ABRAXAS1: variants seen among roughly 807,000 people sequenced by gnomAD.
ABRAXAS1 encodes the protein abraxas 1, BRCA1 A complex subunit, also known as BRCA1-A complex subunit Abraxas 1.
Under a neutral mutation model 38.4 loss-of-function variants are expected in ABRAXAS1, and 26 were observed. The ratio of observed to expected loss-of-function variants is 0.68; its 90% CI spans 0.50 to 0.94. The LOEUF (loss-of-function observed/expected upper bound fraction) is 0.94, where lower values mean the gene tolerates loss of function less well. ABRAXAS1 is among the 40% of genes least tolerant of loss of function. ABRAXAS1 has a pLI of 0.00. For synonymous variants in ABRAXAS1, 144 were observed against 165.5 expected (o/e 0.87, Z 1.00); for missense variants, 438 against 481.9 (o/e 0.91, Z 0.85).
Position 83,461,389 on chromosome 4 carries a change from G to A in ABRAXAS1, c.*1080C>T. 1 of 557,358 alleles carries A rather than the reference G, an allele frequency of 1.8e-6. No individual in the cohort carries two copies. Among genetic ancestry groups the A allele is most frequent in the South Asian group, 2.1e-5 (1 of 47,504 alleles). The allele number at this position is 557,358 out of a possible 1,614,324, so 34.5% of individuals were successfully genotyped here. ...TTAACACTCATCACATTTTATCTATGTTGAATAAAAGTGGTTCTGTGTGAT... is the reference window on the plus strand; with the variant it reads ...TTAACACTCATCACATTTTATCTATATTGAATAAAAGTGGTTCTGTGTGAT... On this transcript the variant is annotated 3_prime_UTR_variant, in exon 9 of 9. Coordinates refer to ENST00000321945, the MANE Select transcript of ABRAXAS1 (RefSeq NM_139076.3).
chr4:83,473,401 G>A (rs575985602), intron 3 of ABRAXAS1, among the ~76,000 whole-genome samples: 3 of 151,970 alleles, frequency 2.0e-5, no homozygotes, highest in Non-Finnish European at 4.4e-5. Context: ...AGCTCAAATC[G>A]GAGCATAAAG....
At chr4:83,472,159 GTTTTTAAGAA>G in intron 4 of ABRAXAS1, 53 bp downstream of exon 4, 1 of 1,063,960 alleles carries the variant, frequency 9.4e-7, no homozygotes, top group Non-Finnish European at 1.4e-6. Flanking sequence ...AGTACTGTGT[GTTTTTAAGAA>G]CCAAAAACAA....
At chr4:83,482,823 A>G (rs1393185558) in intron 1 of ABRAXAS1, among the ~76,000 whole-genome samples, 1 of 152,178 alleles carries the variant, frequency 6.6e-6, no homozygotes, top group Non-Finnish European at 1.5e-5. Context: ...AGATTAGACT[A>G]AAGCTATGGG....
chr4:83,461,458 T>C lies in ABRAXAS1; in HGVS notation c.*1011A>G, dbSNP rs1722113591. 2.4e-6 allele frequency: 1 copy of C among 417,346 alleles called. No individual in the cohort carries two copies. The highest frequency in any genetic ancestry group is 4.4e-6 in the Non-Finnish European group (1 of 225,138). 25.9% of individuals were successfully genotyped at this position (417,346 alleles called of 1,614,324 possible). A position where few individuals can be genotyped will look rare whatever the true frequency, so the allele number is the denominator to read the frequency against. ...CCCAAATAGCTCATACAATAATCCA[T>C]TCAATAGAATGGAATTAAAACTGTT... On this transcript the variant is annotated 3_prime_UTR_variant, in exon 9 of 9. Coordinates refer to ENST00000321945, the MANE Select transcript of ABRAXAS1 (RefSeq NM_139076.3).
Position 83,459,636 on chromosome 4 carries a change from T to G in ABRAXAS1, c.*2833A>C. On this transcript the variant is annotated 3_prime_UTR_variant, in exon 9 of 9. Coordinates refer to ENST00000321945, the MANE Select transcript of ABRAXAS1 (RefSeq NM_139076.3). ...ATATTTTATGAAATGTGTCTGAAAT[T>G]TAGTAAAGCTTTATATAACCTGAAG... 4.2e-6 allele frequency: 4 copies of G among 962,726 alleles called. No homozygotes were observed. In the South Asian group the frequency reaches 6.3e-5, roughly 15 times the overall value. 59.6% of individuals were successfully genotyped at this position (962,726 alleles called of 1,614,324 possible).
At chr4:83,481,857 C>G (rs60308147) in intron 2 of ABRAXAS1, among the ~76,000 whole-genome samples, 13,843 of 152,120 alleles carry the variant, frequency 0.091, 2,108 homozygotes, top group African/African-American at 0.31. Context: ...TCAAGCAATT[C>G]TCGTGCCTCA....
intron 6 of ABRAXAS1, 41 bp from the exon 7 acceptor site, chr4:83,467,579 C>G (rs2110037448): frequency 2.1e-6 from 2 of 962,726 alleles, no homozygotes; most frequent in Non-Finnish European, 3.3e-6. Flanking sequence ...TACACAAAAC[C>G]ATTTTAATGA....
rs752871858 is a variant in ABRAXAS1 at position 83,485,055 on chromosome 4, C to T, written c.18G>A (p.Thr6=). Residue 6 remains threonine (T), a synonymous_variant, in exon 1 of 9, where the codon ACG becomes ACA. Coordinates refer to ENST00000321945, the MANE Select transcript of ABRAXAS1 (RefSeq NM_139076.3). ...GCACAAAGCCCGAGAGCACCGCCGACGTACTCTCCCCCTCCATGCTACCGC... is the reference window on the plus strand; with the variant it reads ...GCACAAAGCCCGAGAGCACCGCCGATGTACTCTCCCCCTCCATGCTACCGC... MEGES[T]SAVLSGFVLG... is the part of the protein sequence containing the mutation. 132 of 1,593,316 alleles carry T rather than the reference C, an allele frequency of 8.3e-5. No homozygotes were observed. Among genetic ancestry groups the T allele is most frequent in the Non-Finnish European group, 1.1e-4 (123 of 1,170,686 alleles).
At chr4:83,477,525 A>T (rs1722821628) in intron 2 of ABRAXAS1, 1 of 446,338 alleles carries the variant, frequency 2.2e-6, no homozygotes, top group South Asian at 1.9e-5. Flanking sequence ...CCTGAGCAGC[A>T]GCAAAGTACC....
At position 83,482,732 on chromosome 4, in the gene ABRAXAS1, G is replaced by A. The variant is rs562012255; in HGVS notation, c.88-488C>T. Among the ~76,000 whole-genome samples, 113 of 152,142 alleles carry A rather than the reference G, an allele frequency of 7.4e-4. 1 individual carries two copies. Among genetic ancestry groups the A allele is most frequent in the Admixed American group, 5.7e-3 (87 of 15,256 alleles). ...AGTAGAAATAAAGAGGAGAGGAAGG[G>A]AAAGAGATTAGTCTAGCCTGAAATA... is the stretch of plus-strand genomic sequence containing the variant. On this transcript the variant is annotated intron_variant, in intron 1 of 8. Transcript: ENST00000321945.
At chr4:83,465,586 G>C (rs1722326067) in intron 7 of ABRAXAS1, among the ~76,000 whole-genome samples, 2 of 152,100 alleles carry the variant, frequency 1.3e-5, no homozygotes, top group Non-Finnish European at 2.9e-5. Flanking sequence ...GCAGGGGATG[G>C]AGACCAGCCT....
chr4:83,475,243 A>G (rs1471768800), intron 3 of ABRAXAS1, among the ~76,000 whole-genome samples: 1 of 152,168 alleles, frequency 6.6e-6, no homozygotes, highest in East Asian at 1.9e-4. Flanking sequence ...TCATCTAACA[A>G]ATATTTTTGT....
At chr4:83,470,102 T>C (rs1265663691) in intron 5 of ABRAXAS1, 101 bp downstream of exon 5, 2 of 795,126 alleles carry the variant, frequency 2.5e-6, no homozygotes, top group Non-Finnish European at 3.8e-6. Flanking sequence ...GACAATCTGA[T>C]GCGACAATAT....
At chr4:83,468,197 C>T (rs1192399088) in intron 6 of ABRAXAS1, among the ~76,000 whole-genome samples, 1 of 151,630 alleles carries the variant, frequency 6.6e-6, no homozygotes, top group Non-Finnish European at 1.5e-5. Context: ...CCCAGCTACT[C>T]AGGAGGCTGA....
intron 3 of ABRAXAS1, among the ~76,000 whole-genome samples, chr4:83,475,704 T>C (rs1357594544): frequency 1.3e-5 from 2 of 152,222 alleles, no homozygotes; most frequent in Admixed American, 1.3e-4. Context: ...CATAAAACTA[T>C]TTCATTAAAA....
In ABRAXAS1 at chr4:83,462,311, G is replaced by A; in HGVS notation, c.*158C>T. The A allele has an allele frequency of 1.6e-6, 1 of 627,314 alleles. No homozygotes were observed. Among genetic ancestry groups the A allele is most frequent in the Non-Finnish European group, 2.7e-6 (1 of 368,808 alleles). 38.9% of individuals were successfully genotyped at this position (627,314 alleles called of 1,614,324 possible). ...GATGTTTGAAAAAGTACTTTGTGAA[G>A]TAAATGCACTAAGAGTTATCTGTGT... On this transcript the variant is annotated 3_prime_UTR_variant, in exon 9 of 9. Coordinates refer to ENST00000321945, the MANE Select transcript of ABRAXAS1 (RefSeq NM_139076.3).
At chr4:83,466,224 G>A (rs1412887806) in intron 7 of ABRAXAS1, among the ~76,000 whole-genome samples, 1 of 152,132 alleles carries the variant, frequency 6.6e-6, no homozygotes, top group Non-Finnish European at 1.5e-5. Context: ...GGTCAGACTT[G>A]CAGTGTTGTC....
chr4:83,462,667 A>T lies in ABRAXAS1; in HGVS notation c.1032T>A (p.Ile344=). 2.5e-6 allele frequency: 4 copies of T among 1,613,964 alleles called. No individual in the cohort carries two copies. Among genetic ancestry groups the T allele is most frequent in the Non-Finnish European group, 2.5e-6 (3 of 1,180,012 alleles). The change falls in exon 9 of 9, where the codon ATT becomes ATA. Residue 344 remains isoleucine (I), a synonymous_variant. Transcript: ENST00000321945. ...EASPASTPQI[I]KHKALDLDDR... ...CATCTAAGTCTAAGGCTTTATGCTTAATGATTTGTGGTGTACTAGCTGGAC... is the reference window on the plus strand; with the variant it reads ...CATCTAAGTCTAAGGCTTTATGCTTTATGATTTGTGGTGTACTAGCTGGAC...
chr4:83,466,083 C>A (rs956841767), intron 7 of ABRAXAS1, among the ~76,000 whole-genome samples: 1 of 152,104 alleles, frequency 6.6e-6, no homozygotes, highest in Non-Finnish European at 1.5e-5. Context: ...CAAGTCCATG[C>A]CTATAGAACA....
Sources: allele counts gnomAD v4.1 joint callset (sites outside exome capture counted in the v4.1 genomes callset), GRCh38; gene constraint gnomAD v4.1.1; transcripts MANE v1.5; gene names NCBI Gene and HGNC (gene_info 2026-07-23, HGNC 2026-07-21).